Variants in NKAIN3 observed in about 807,000 individuals in gnomAD.
NKAIN3 encodes sodium/potassium-transporting ATPase subunit beta-1-interacting protein 3.
A neutral mutation model predicts 30.2 loss-of-function variants in NKAIN3; 25 were observed. The observed-to-expected ratio is 0.83, with a 90% CI of 0.60 to 1.16. The LOEUF is 1.16. Among genes scored for constraint, NKAIN3 ranks in the 50% most tolerant of loss-of-function variants. The pLI, the probability that NKAIN3 is intolerant of heterozygous loss-of-function variation, is 0.00. For missense variants in NKAIN3, 225 were observed against 254.1 expected, an observed-to-expected ratio of 0.89 and a Z score of 0.78; for synonymous variants, 91 against 89.6, an observed-to-expected ratio of 1.02 and a Z score of -0.09.
intron 4 of NKAIN3, among the ~76,000 whole-genome samples, chr8:62,852,768 G>A (rs770494204): frequency 1.3e-5 from 2 of 152,186 alleles, no homozygotes; most frequent in Non-Finnish European, 2.9e-5. Flanking sequence ...GCAGTTCTGA[G>A]TGAGTTTCTT....
chr8:62,655,843 T>C (rs1446469806), intron 3 of NKAIN3, among the ~76,000 whole-genome samples: 2 of 151,652 alleles, frequency 1.3e-5, no homozygotes, highest in Non-Finnish European at 2.9e-5. Flanking sequence ...CTATGAAGAA[T>C]ATGTAATGAA....
chr8:62,260,320 G>A (rs1812397905), intron 1 of NKAIN3, among the ~76,000 whole-genome samples: 1 of 152,100 alleles, frequency 6.6e-6, no homozygotes, highest in Non-Finnish European at 1.5e-5. Flanking sequence ...TATATTTCCT[G>A]TGCTGGTAAC....
intron 3 of NKAIN3, among the ~76,000 whole-genome samples, chr8:62,715,316 C>G (rs961708986): frequency 6.6e-6 from 1 of 152,158 alleles, no homozygotes; most frequent in Non-Finnish European, 1.5e-5. Flanking sequence ...GAGCCAGTGT[C>G]CAGGTTGACT....
At chr8:62,803,170 C>T (rs898861185) in intron 4 of NKAIN3, among the ~76,000 whole-genome samples, 1 of 152,060 alleles carries the variant, frequency 6.6e-6, no homozygotes, top group Non-Finnish European at 1.5e-5. Context: ...TAATGGGAGA[C>T]TTTAACACCC....
intron 5 of NKAIN3, among the ~76,000 whole-genome samples, chr8:62,942,376 A>C (rs1315804301): frequency 6.6e-6 from 1 of 151,164 alleles, no homozygotes; most frequent in Non-Finnish European, 1.5e-5. Context: ...GCTGAAAGAA[A>C]TTATAGATGG....
chr8:62,667,521 T>A (rs1813163409), intron 3 of NKAIN3, among the ~76,000 whole-genome samples: 1 of 151,590 alleles, frequency 6.6e-6, no homozygotes, highest in Non-Finnish European at 1.5e-5. Flanking sequence ...TATCTTCACA[T>A]CCTATGCCCA....
intron 4 of NKAIN3, among the ~76,000 whole-genome samples, chr8:62,852,407 C>G (rs867062623): frequency 6.6e-6 from 1 of 152,114 alleles, no homozygotes; most frequent in African/African-American, 2.4e-5. Flanking sequence ...AAAACCAGCT[C>G]CTGGATTCAT....
At chr8:62,556,987 T>C (rs1302333928) in intron 1 of NKAIN3, among the ~76,000 whole-genome samples, 1 of 152,032 alleles carries the variant, frequency 6.6e-6, no homozygotes, top group East Asian at 1.9e-4. Context: ...TCGTGTTTGG[T>C]TACATGAGTA....
chr8:62,890,742 C>G (rs1002444306), intron 4 of NKAIN3, among the ~76,000 whole-genome samples: 1 of 152,210 alleles, frequency 6.6e-6, no homozygotes, highest in Admixed American at 6.5e-5. Flanking sequence ...GATTGAGGTA[C>G]CCTCTCTGCA....
At chr8:62,772,806 G>T (rs567879280) in intron 4 of NKAIN3, among the ~76,000 whole-genome samples, 15 of 151,748 alleles carry the variant, frequency 9.9e-5, no homozygotes, top group African/African-American at 3.4e-4. Flanking sequence ...GACTACAAAC[G>T]CACGCTGCCA....
At position 62,976,295 on chromosome 8, in the gene NKAIN3, C is replaced by T. The variant is rs1823939648; in HGVS notation, c.*10888C>T. On this transcript the variant is annotated 3_prime_UTR_variant, in exon 7 of 7. Coordinates refer to ENST00000623646, the MANE Select transcript of NKAIN3 (RefSeq NM_001304533.3). ...TACACACAATGGAGTGTTAAAGTCT[C>T]CCACTATTATTGTGTGGTAGTCTAA... is the stretch of plus-strand genomic sequence containing the variant. Among the ~76,000 whole-genome samples, 1 of 151,904 alleles carries T rather than the reference C, an allele frequency of 6.6e-6. No homozygotes were observed. The highest frequency in any genetic ancestry group is 2.4e-5 in the African/African-American group (1 of 41,328).
At chr8:62,806,463 A>C (rs1177602443) in intron 4 of NKAIN3, among the ~76,000 whole-genome samples, 1 of 152,256 alleles carries the variant, frequency 6.6e-6, no homozygotes, top group Non-Finnish European at 1.5e-5. Context: ...ACCATGGAAT[A>C]CTATGTAGCC....
At chr8:62,461,104 G>A (rs972186160) in intron 1 of NKAIN3, among the ~76,000 whole-genome samples, 6 of 152,156 alleles carry the variant, frequency 3.9e-5, no homozygotes, top group African/African-American at 1.4e-4. Flanking sequence ...AGGAAGTGAA[G>A]TCTAATGCAG....
At chr8:62,348,371 G>T (rs1025364350) in intron 1 of NKAIN3, among the ~76,000 whole-genome samples, 1 of 152,146 alleles carries the variant, frequency 6.6e-6, no homozygotes. Context: ...ATTTAAAAAC[G>T]TTAACAAATT....
At chr8:62,986,167 G>A (rs72656590), downstream of NKAIN3, among the ~76,000 whole-genome samples, 5,272 of 152,234 alleles carry the variant, frequency 0.035, 130 homozygotes, top group Non-Finnish European at 0.054. Context: ...TAAGAAGAAT[G>A]TGTATTTGGA....
intron 1 of NKAIN3, among the ~76,000 whole-genome samples, chr8:62,434,071 A>G (rs1377274770): frequency 1.3e-5 from 2 of 152,118 alleles, no homozygotes; most frequent in Admixed American, 6.6e-5. Context: ...CCTGATGCTG[A>G]GCATGCCAAA....
chr8:62,289,859 T>A (rs1813525901), intron 1 of NKAIN3, among the ~76,000 whole-genome samples: 1 of 152,222 alleles, frequency 6.6e-6, no homozygotes, highest in African/African-American at 2.4e-5. Flanking sequence ...CAATATTGAT[T>A]CTTCCTATCC....
At chr8:62,344,797 G>T (rs536528847) in intron 1 of NKAIN3, 3 of 418,472 alleles carry the variant, frequency 7.2e-6, no homozygotes, top group South Asian at 3.6e-5. Flanking sequence ...AGAGTCTTTT[G>T]TAGTTCCATA....
intron 4 of NKAIN3, among the ~76,000 whole-genome samples, chr8:62,786,438 G>T (rs1487942773): frequency 6.6e-6 from 1 of 151,912 alleles, no homozygotes; most frequent in Non-Finnish European, 1.5e-5. Context: ...TACTCCTAAG[G>T]GATTGCCACC....
Sources: gnomAD v4.1 joint callset for allele counts (sites outside exome capture counted in the v4.1 genomes callset) on GRCh38, gnomAD v4.1.1 for gene constraint, MANE v1.5 for transcripts, NCBI Gene and HGNC (gene_info 2026-07-23, HGNC 2026-07-21) for gene names.